Variants in SLIT3 observed in about 807,000 individuals in gnomAD.
The protein encoded by SLIT3 is slit homolog 3 protein.
In SLIT3, 68 loss-of-function variants were observed where a neutral mutation model predicts 184.0. The observed-to-expected ratio is 0.37, with a 90% CI of 0.30 to 0.45. The LOEUF is 0.45. Ranked by LOEUF, SLIT3 falls within the 20% of genes least tolerant of loss-of-function variation. The pLI is 1.00. For synonymous variants in SLIT3, 831 were observed against 828.6 expected, an observed-to-expected ratio of 1.00 and a Z score of -0.05; for missense variants, 1,707 against 2,026.0, an observed-to-expected ratio of 0.84 and a Z score of 3.02.
chr5:168,917,363 C>G (rs961576709), intron 4 of SLIT3, among the ~76,000 whole-genome samples: 7 of 152,168 alleles, frequency 4.6e-5, no homozygotes, highest in African/African-American at 1.7e-4. Flanking sequence ...GGCATTGTGT[C>G]TCAGCCCCAG....
chr5:168,858,097 G>A (rs1357162435), intron 5 of SLIT3, among the ~76,000 whole-genome samples: 1 of 152,198 alleles, frequency 6.6e-6, no homozygotes, highest in East Asian at 1.9e-4. Flanking sequence ...AGTGTTTCCA[G>A]CATTCAATAA....
intron 4 of SLIT3, among the ~76,000 whole-genome samples, chr5:168,994,699 G>A (rs1313257604): frequency 8.4e-6 from 1 of 119,562 alleles, no homozygotes; most frequent in Non-Finnish European, 1.6e-5. Flanking sequence ...AGGCTGGAGT[G>A]CAATGATGTG....
intron 4 of SLIT3, among the ~76,000 whole-genome samples, chr5:169,032,581 C>T (rs956821735): frequency 2.7e-5 from 4 of 148,846 alleles, no homozygotes; most frequent in Admixed American, 2.0e-4. Context: ...TATAGATTCC[C>T]CTCCATGTTT....
At chr5:168,986,805 T>C (rs1755147045) in intron 4 of SLIT3, among the ~76,000 whole-genome samples, 3 of 152,200 alleles carry the variant, frequency 2.0e-5, no homozygotes, top group African/African-American at 7.2e-5. Flanking sequence ...ACAAAGACCT[T>C]GCAGGGCCTT....
chr5:168,766,215 C>A (rs1451915147), intron 14 of SLIT3, among the ~76,000 whole-genome samples: 1 of 152,186 alleles, frequency 6.6e-6, no homozygotes, highest in Non-Finnish European at 1.5e-5. Context: ...TCATCATGGA[C>A]TTGCTAACTC....
intron 12 of SLIT3, among the ~76,000 whole-genome samples, chr5:168,781,222 A>G (rs1157639400): frequency 1.3e-5 from 2 of 152,208 alleles, no homozygotes; most frequent in South Asian, 2.1e-4. Flanking sequence ...CCTAAGGGAA[A>G]CAGATGAAAG....
At chr5:168,949,573 C>G (rs1011449025) in intron 4 of SLIT3, among the ~76,000 whole-genome samples, 7 of 152,118 alleles carry the variant, frequency 4.6e-5, no homozygotes, top group African/African-American at 1.7e-4. Flanking sequence ...GAACAACTGT[C>G]AAATATACAA....
At chr5:168,762,516 G>T (rs1249978583) in intron 15 of SLIT3, 23 bp downstream of exon 15, 3 of 1,608,758 alleles carry the variant, frequency 1.9e-6, no homozygotes, top group Non-Finnish European at 1.7e-6. Context: ...GGAGTAGGGA[G>T]TTCACGCCGA....
At chr5:169,132,666 T>C (rs550313132) in intron 4 of SLIT3, among the ~76,000 whole-genome samples, 1 of 152,352 alleles carries the variant, frequency 6.6e-6, no homozygotes, top group Admixed American at 6.5e-5. Context: ...ATGTTCCGTA[T>C]CAAGCTGAAG....
chr5:168,907,928 TATATATATTATACGTGTATATATATATA>T (rs1561999953), intron 4 of SLIT3, among the ~76,000 whole-genome samples: 3 of 84,322 alleles, frequency 3.6e-5, no homozygotes, highest in East Asian at 5.8e-4. Context: ...ATCTATTTTA[TATATATATTATACGTGTATATATATATA>T]TATATATATA....
At chr5:169,002,026 G>A (rs567177785) in intron 4 of SLIT3, among the ~76,000 whole-genome samples, 92 of 152,070 alleles carry the variant, frequency 6.0e-4, no homozygotes, top group African/African-American at 2.1e-3. Context: ...ATAGGAAAAA[G>A]CAATGTGGCT....
chr5:168,903,517 C>T (rs773953036), intron 4 of SLIT3, among the ~76,000 whole-genome samples: 18 of 152,162 alleles, frequency 1.2e-4, no homozygotes, highest in Non-Finnish European at 2.2e-4. Context: ...CACAGTAAGC[C>T]AGGGCATGAC....
In SLIT3 at chr5:168,961,066, A is replaced by T. The variant is rs181239302; in HGVS notation, c.414-77730T>A. On this transcript the variant is annotated intron_variant, in intron 4 of 35. Coordinates refer to ENST00000519560, the MANE Select transcript of SLIT3 (RefSeq NM_003062.4). Reference sequence around the variant, plus strand: ...GAGGAGTCCATGGATAATCTCTAACATCCCCTCCAGCTCAGAAAATCTTCA... The same window carrying T: ...GAGGAGTCCATGGATAATCTCTAACTTCCCCTCCAGCTCAGAAAATCTTCA... 1.2e-4 allele frequency among the ~76,000 whole-genome samples: 18 copies of T among 152,200 alleles called. No individual in the cohort carries two copies. The East Asian group carries it at 2.9e-3, about 25-fold the overall frequency.
chr5:168,883,388 T>C (rs1210036954), intron 4 of SLIT3, 52 bp from the exon 5 acceptor site: 1 of 1,342,558 alleles, frequency 7.4e-7, no homozygotes, highest in South Asian at 1.2e-5. Flanking sequence ...GCTGTCTTGA[T>C]CTGCATCTCA....
At chr5:169,080,584 G>A (rs1036941688) in intron 4 of SLIT3, among the ~76,000 whole-genome samples, 1 of 152,176 alleles carries the variant, frequency 6.6e-6, no homozygotes, top group Non-Finnish European at 1.5e-5. Flanking sequence ...TATAAAGCAC[G>A]TGGTAGATGC....
intron 1 of SLIT3, among the ~76,000 whole-genome samples, chr5:169,280,956 A>G (rs976638440): frequency 6.6e-6 from 1 of 152,162 alleles, no homozygotes; most frequent in African/African-American, 2.4e-5. Context: ...CAATGAGCAA[A>G]GCTGGGTCAA....
chr5:168,706,173 G>A (rs967079815), intron 26 of SLIT3, among the ~76,000 whole-genome samples: 1 of 152,230 alleles, frequency 6.6e-6, no homozygotes, highest in Non-Finnish European at 1.5e-5. Flanking sequence ...CACCATGCAA[G>A]GGTAAAGGTG....
At chr5:169,235,534 G>A (rs1184620529) in intron 3 of SLIT3, among the ~76,000 whole-genome samples, 1 of 152,138 alleles carries the variant, frequency 6.6e-6, no homozygotes, top group East Asian at 1.9e-4. Context: ...CAATCCTGTT[G>A]CATTTATTAT....
At chr5:168,797,812 C>A (rs571714929) in intron 9 of SLIT3, among the ~76,000 whole-genome samples, 1 of 152,254 alleles carries the variant, frequency 6.6e-6, no homozygotes, top group South Asian at 2.1e-4. Flanking sequence ...CTAGAGGAAT[C>A]AAATAGCTTG....
Sources: gnomAD v4.1 joint callset for allele counts (sites outside exome capture counted in the v4.1 genomes callset) on GRCh38, gnomAD v4.1.1 for gene constraint, MANE v1.5 for transcripts, NCBI Gene and HGNC (gene_info 2026-07-23, HGNC 2026-07-21) for gene names.